CEP170: variants seen among roughly 807,000 people sequenced by gnomAD.
CEP170 encodes centrosomal protein 170, also known as centrosomal protein of 170 kDa.
A neutral mutation model predicts 151.9 loss-of-function variants in CEP170; 21 were observed. That is an observed-to-expected ratio of 0.14 (90% CI 0.10 to 0.20). CEP170 has a LOEUF of 0.20. Ranked by LOEUF, CEP170 falls within the 10% of genes least tolerant of loss-of-function variation. The pLI, the probability that CEP170 is intolerant of heterozygous loss-of-function variation, is 1.00. For missense variants in CEP170, 964 were observed against 1,892.9 expected (o/e 0.51, Z 9.11); for synonymous variants, 356 against 648.8 (o/e 0.55, Z 6.86).
intron 7 of CEP170, among the ~76,000 whole-genome samples, chr1:243,197,081 C>T (rs2060704122): frequency 6.6e-6 from 1 of 151,992 alleles, no homozygotes; most frequent in Non-Finnish European, 1.5e-5. Context: ...ATTGTAGTTT[C>T]TTGAACAAAG....
At chr1:243,238,109 T>C (rs1421325608) in intron 1 of CEP170, among the ~76,000 whole-genome samples, 1 of 152,158 alleles carries the variant, frequency 6.6e-6, no homozygotes, top group Non-Finnish European at 1.5e-5. Flanking sequence ...TTCAATGGAA[T>C]TGTTCTGTAG....
intron 14 of CEP170, among the ~76,000 whole-genome samples, chr1:243,145,722 C>CTAGCTTTAGAAT (rs1336492419): frequency 1.3e-5 from 2 of 152,198 alleles, no homozygotes; most frequent in Non-Finnish European, 2.9e-5. Flanking sequence ...ATGAAGTATA[C>CTAGCTTTAGAAT]TAGCTTTAGA....
intron 3 of CEP170, among the ~76,000 whole-genome samples, chr1:243,213,544 G>C (rs1216759667): frequency 6.6e-6 from 1 of 152,054 alleles, no homozygotes; most frequent in Admixed American, 6.5e-5. Context: ...ATCAGACTCT[G>C]TGTCTTCAAA....
At chr1:243,233,096 T>C (rs568088209) in intron 1 of CEP170, among the ~76,000 whole-genome samples, 115 of 152,314 alleles carry the variant, frequency 7.6e-4, no homozygotes, top group African/African-American at 2.6e-3. Context: ...GTTGTCTCTT[T>C]CTTATTCTTT....
chr1:243,238,168 G>C (rs1284258319), intron 1 of CEP170, among the ~76,000 whole-genome samples: 1 of 152,102 alleles, frequency 6.6e-6, no homozygotes, highest in African/African-American at 2.4e-5. Flanking sequence ...TTAAGGGAGG[G>C]AATCGCTAGG....
intron 17 of CEP170, among the ~76,000 whole-genome samples, chr1:243,134,947 T>C (rs1296911646): frequency 2.0e-5 from 3 of 152,150 alleles, no homozygotes; most frequent in Non-Finnish European, 2.9e-5. Flanking sequence ...TGATCAAGTT[T>C]GTATAGACGG....
In CEP170 at chr1:243,180,391, TAAG is replaced by T. The variant is rs1314050022; in HGVS notation, c.1566+5385_1566+5387del. ...TACCCAGGAAGGAGGCAGCAGAGGT[TAAG>T]AAGGGTTGAGGAGAACTAATCAGAG... On this transcript the variant is annotated intron_variant, in intron 10 of 19. Transcript: ENST00000366542. Among the ~76,000 whole-genome samples the T allele has an allele frequency of 2.0e-5, 3 of 152,146 alleles. No homozygotes were observed. The East Asian group carries it at 5.8e-4, about 29-fold the overall frequency.
intron 1 of CEP170, among the ~76,000 whole-genome samples, chr1:243,236,518 G>C (rs191236368): frequency 3.7e-4 from 57 of 152,270 alleles, no homozygotes; most frequent in African/African-American, 1.3e-3. Flanking sequence ...TCCTCGAGAA[G>C]TTCACAGACA....
intron 13 of CEP170, among the ~76,000 whole-genome samples, chr1:243,160,712 A>C (rs975735906): frequency 5.3e-5 from 8 of 152,246 alleles, no homozygotes; most frequent in African/African-American, 1.9e-4. Flanking sequence ...AGCATTCAGC[A>C]ATAAGATCAG....
intron 13 of CEP170, among the ~76,000 whole-genome samples, chr1:243,159,763 T>TTGTGTGTGTGTG (rs565534328): frequency 0.012 from 1,464 of 127,124 alleles, 33 homozygotes; most frequent in East Asian, 0.029. Context: ...GTTTCCGGTT[T>TTGTGTGTGTGTG]TGTGTGTGTG....
At chr1:243,224,273 A>G (rs1375677328) in intron 2 of CEP170, among the ~76,000 whole-genome samples, 1 of 152,214 alleles carries the variant, frequency 6.6e-6, no homozygotes, top group Non-Finnish European at 1.5e-5. Context: ...AACTGCAAAG[A>G]TAGGCAATTT....
At chr1:243,207,894 C>A (rs1275565714) in intron 4 of CEP170, among the ~76,000 whole-genome samples, 1 of 151,642 alleles carries the variant, frequency 6.6e-6, no homozygotes, top group East Asian at 1.9e-4. Flanking sequence ...ATGACCTCAG[C>A]TCCTACCTAG....
chr1:243,167,713 G>A (rs1178161840), intron 12 of CEP170, among the ~76,000 whole-genome samples: 3 of 151,420 alleles, frequency 2.0e-5, no homozygotes, highest in Admixed American at 2.0e-4. Context: ...TGGATGTGAT[G>A]GAGGAAAATC....
At position 243,193,419 on chromosome 1, in the gene CEP170, C is replaced by T. The variant is rs948200397; in HGVS notation, c.632-1925G>A. Among the ~76,000 whole-genome samples, 19 of 151,758 alleles carry T rather than the reference C, an allele frequency of 1.3e-4. No homozygotes were observed. In the South Asian group the frequency reaches 1.7e-3, roughly 13 times the overall value. ...GCTCATCCTTCAGGTGACAGAACAA[C>T]GTCAAGATGGTAGTTTCTAATACCA... is the stretch of plus-strand genomic sequence containing the variant. On this transcript the variant is annotated intron_variant, in intron 7 of 19. Coordinates refer to ENST00000366542, the MANE Select transcript of CEP170 (RefSeq NM_014812.3).
chr1:243,176,390 G>C (rs1487815350), intron 10 of CEP170, among the ~76,000 whole-genome samples: 1 of 149,830 alleles, frequency 6.7e-6, no homozygotes, highest in Non-Finnish European at 1.5e-5. Context: ...GAGCTGTCTG[G>C]GCCTGGCAGA....
intron 4 of CEP170, among the ~76,000 whole-genome samples, chr1:243,201,985 A>G (rs910615264): frequency 6.6e-5 from 10 of 152,146 alleles, no homozygotes; most frequent in African/African-American, 2.4e-4. Context: ...GGAAATACAC[A>G]TCTCATAACT....
At chr1:243,254,819 T>G (rs1292307020) in intron 1 of CEP170, among the ~76,000 whole-genome samples, 11 of 136,974 alleles carry the variant, frequency 8.0e-5, no homozygotes, top group Non-Finnish European at 1.6e-5. Context: ...GGAAGGGTGG[T>G]CCCGTCAAGC....
At chr1:243,168,411 G>A (rs573983118) in intron 12 of CEP170, 1 of 152,074 alleles carries the variant, frequency 6.6e-6, no homozygotes, top group South Asian at 2.1e-4. Context: ...TTAACTGTAA[G>A]TGAGTATTTA....
chr1:243,137,901 G>A lies in CEP170; in HGVS notation c.4231-1670C>T, dbSNP rs187795139. 1.9e-3 allele frequency among the ~76,000 whole-genome samples: 291 copies of A among 152,268 alleles called. 2 individuals are homozygous for A. The highest frequency in any genetic ancestry group is 6.7e-3 in the African/African-American group (278 of 41,542). On this transcript the variant is annotated intron_variant, in intron 16 of 19. Transcript: ENST00000366542. ...AATGACAAGGATTTGAATTTAGTGGGTAATAAAAGTTTATTTAGGTTGTGA... is the reference window on the plus strand; with the variant it reads ...AATGACAAGGATTTGAATTTAGTGGATAATAAAAGTTTATTTAGGTTGTGA...
Sources: allele counts gnomAD v4.1 joint callset (sites outside exome capture counted in the v4.1 genomes callset), GRCh38; gene constraint gnomAD v4.1.1; transcripts MANE v1.5; gene names NCBI Gene and HGNC (gene_info 2026-07-23, HGNC 2026-07-21).